SCML2: variants seen among roughly 807,000 people sequenced by gnomAD.
SCML2 encodes Scm polycomb group protein like 2, also known as sex comb on midleg-like protein 2.
SCML2 carries 6 observed loss-of-function variants against 48.4 expected under a neutral mutation model. The ratio of observed to expected loss-of-function variants is 0.12; its 90% confidence interval spans 0.07 to 0.24. The LOEUF (loss-of-function observed/expected upper bound fraction) is 0.24. SCML2 is among the 10% of genes least tolerant of loss of function. The probability of loss-of-function intolerance (pLI) is 1.00; values close to 1 mark genes in which losing one functional copy is unlikely to be tolerated. For synonymous variants in SCML2, 181 were observed against 189.5 expected, an observed-to-expected ratio of 0.95 and a Z score of 0.37; for missense variants, 377 against 528.2, an observed-to-expected ratio of 0.71 and a Z score of 2.81.
At chrX:18,289,886 G>C (rs1222363742) in intron 7 of SCML2, among the ~76,000 whole-genome samples, 2 of 111,162 alleles carry the variant, frequency 1.8e-5, no homozygotes, top group African/African-American at 6.5e-5. Flanking sequence ...TGGGAGTGTG[G>C]AAAGTAGACC....
intron 7 of SCML2, among the ~76,000 whole-genome samples, chrX:18,303,912 A>G (rs964358787): frequency 1.8e-5 from 2 of 112,507 alleles, no homozygotes; most frequent in Admixed American, 9.4e-5. Flanking sequence ...TTACCTAGAC[A>G]TTATACTCCT....
At chrX:18,323,748 CATCT>C in intron 5 of SCML2, 107 bp downstream of exon 5, 1 of 540,585 alleles carries the variant, frequency 1.8e-6, no homozygotes, top group South Asian at 3.0e-5. Context: ...ACCACCTGAC[CATCT>C]ATTTGCAAGA....
chrX:18,265,338 C>T (rs1927218598), intron 8 of SCML2, among the ~76,000 whole-genome samples: 1 of 112,189 alleles, frequency 8.9e-6, no homozygotes, highest in African/African-American at 3.2e-5. Context: ...AACATAAATA[C>T]ACCCATGTAT....
chrX:18,319,495 G>A (rs1441181262), intron 6 of SCML2, among the ~76,000 whole-genome samples: 1 of 107,950 alleles, frequency 9.3e-6, no homozygotes, highest in African/African-American at 3.4e-5. Context: ...AGCTACTTGG[G>A]AGGCTAAGGC....
intron 1 of SCML2, among the ~76,000 whole-genome samples, chrX:18,343,923 TAAA>T (rs1203495780): frequency 1.9e-5 from 1 of 53,351 alleles, no homozygotes; most frequent in Non-Finnish European, 3.4e-5. Context: ...TGCCTCTATT[TAAA>T]AAAAAAAAAA....
chrX:18,275,741 A>G (rs1927608233), intron 7 of SCML2, among the ~76,000 whole-genome samples: 1 of 112,559 alleles, frequency 8.9e-6, no homozygotes, highest in Non-Finnish European at 1.9e-5. Context: ...CAGGGTGTTT[A>G]TGCATTAAAT....
intron 12 of SCML2, among the ~76,000 whole-genome samples, chrX:18,247,382 A>G (rs754522420): frequency 8.9e-6 from 1 of 111,758 alleles, no homozygotes; most frequent in Non-Finnish European, 1.9e-5. Flanking sequence ...TCACTGAAGC[A>G]TTTGTTTTTA....
In SCML2 at chrX:18,345,411, G is replaced by A. The variant is rs749202915; in HGVS notation, c.-25+9181C>T. Among the ~76,000 whole-genome samples, 22 of 109,128 alleles carry A rather than the reference G, an allele frequency of 2.0e-4. No individual in the cohort carries two copies. In the East Asian group the frequency reaches 6.4e-3, roughly 32 times the overall value. The allele number at this position is 109,128 out of a possible 115,157, so 94.8% of individuals were successfully genotyped here. A position where few individuals can be genotyped will look rare whatever the true frequency, so the allele number is the denominator to read the frequency against. On this transcript the variant is annotated intron_variant, in intron 1 of 14. Transcript: ENST00000251900. ...GGTTTTTAAAAACAATTTTTTTTTT[G>A]AAACAGGGTCTCTCTGTCACCCAGG...
At chrX:18,273,788 T>G (rs1335532273) in intron 7 of SCML2, among the ~76,000 whole-genome samples, 1 of 109,355 alleles carries the variant, frequency 9.1e-6, no homozygotes, top group African/African-American at 3.3e-5. Context: ...TTACCCCCCA[T>G]CCTGTGCCCA....
rs770134595 is a variant in SCML2, at chrX:18,247,776, C to T, written c.1563G>A (p.Ala521=). The T allele has an allele frequency of 1.0e-5, 12 of 1,187,262 alleles. No homozygotes were observed. In the East Asian group the frequency reaches 1.2e-4, roughly 12 times the overall value. ...SPKLPKTKEY[A]SEGEPLFAGG... ...GGTGTAAATGCTATTTACCTTCAGACGCATACTCCTTTGTTTTGGGGAGCT... is the reference window on the plus strand; with the variant it reads ...GGTGTAAATGCTATTTACCTTCAGATGCATACTCCTTTGTTTTGGGGAGCT... Residue 521 remains alanine, a synonymous_variant, in exon 12 of 15, where the codon GCG becomes GCA. Coordinates refer to ENST00000251900, the MANE Select transcript of SCML2 (RefSeq NM_006089.3).
rs191341387 is a variant in SCML2, at chrX:18,341,463, G to A, written c.-24-7368C>T. The A allele has an allele frequency of 6.0e-5, 9 of 149,484 alleles. No homozygotes were observed. In the East Asian group the frequency reaches 1.7e-3, roughly 28 times the overall value. 12.3% of individuals were successfully genotyped at this position (149,484 alleles called of 1,213,427 possible). Reference sequence around the variant, plus strand: ...TGTGACGTGAACCTGGGCACTCCGTGCTGATGCCACCAGCCTGAGGGTCCC... The same window carrying A: ...TGTGACGTGAACCTGGGCACTCCGTACTGATGCCACCAGCCTGAGGGTCCC... On this transcript the variant is annotated intron_variant, in intron 1 of 14. Transcript: ENST00000251900.
chrX:18,272,053 C>T (rs1412963247), intron 7 of SCML2, among the ~76,000 whole-genome samples: 2 of 110,968 alleles, frequency 1.8e-5, no homozygotes, highest in African/African-American at 6.6e-5. Context: ...ACACTGGCTT[C>T]CTTGACTGGT....
chrX:18,341,366 C>T (rs1335341732), intron 1 of SCML2: 17 of 301,547 alleles, frequency 5.6e-5, no homozygotes, highest in Non-Finnish European at 1.0e-4. Flanking sequence ...GGATTCCCTA[C>T]CCCTGTCATC....
intron 11 of SCML2, among the ~76,000 whole-genome samples, chrX:18,255,809 G>A (rs1300912308): frequency 8.9e-6 from 1 of 112,582 alleles, no homozygotes; most frequent in East Asian, 2.8e-4. Context: ...GACTTAAAAA[G>A]ATAGTCTGTG....
intron 5 of SCML2, 80 bp downstream of exon 5, chrX:18,323,779 A>G: frequency 1.3e-6 from 1 of 754,851 alleles, no homozygotes; most frequent in Admixed American, 2.5e-5. Flanking sequence ...AAGAAAATAA[A>G]TTTTAAAAGG....
Position 18,320,448 on chromosome X carries a change from T to G in SCML2, c.398-28A>C, listed in dbSNP as rs1024808416. Reference sequence around the variant, plus strand: ...GTTTTATAAAATAAATTAGGTATCATGAAAAAGCCTCCTTGTGATACTATT... The same window carrying G: ...GTTTTATAAAATAAATTAGGTATCAGGAAAAAGCCTCCTTGTGATACTATT... On this transcript the variant is annotated intron_variant, in intron 5 of 14. Transcript: ENST00000251900. 4.3e-6 allele frequency: 4 copies of G among 923,225 alleles called. No homozygotes were observed. The African/African-American group carries it at 7.8e-5, about 18-fold the overall frequency. The allele number at this position is 923,225 out of a possible 1,213,427, so 76.1% of individuals were successfully genotyped here.
chrX:18,304,720 T>C (rs1033557677), intron 7 of SCML2, among the ~76,000 whole-genome samples: 3 of 111,827 alleles, frequency 2.7e-5, no homozygotes, highest in African/African-American at 9.8e-5. Flanking sequence ...ATGGTCCAAA[T>C]ATGACTTTTA....
chrX:18,312,515 A>AT (rs1345307323), intron 6 of SCML2, among the ~76,000 whole-genome samples: 62 of 110,572 alleles, frequency 5.6e-4, no homozygotes, highest in African/African-American at 1.9e-3. Context: ...CACTTGTACT[A>AT]TTTTTTACTG....
At chrX:18,354,512 G>C in intron 1 of SCML2, 80 bp downstream of exon 1, 2 of 226,449 alleles carry the variant, frequency 8.8e-6, no homozygotes, top group Non-Finnish European at 1.6e-5. Context: ...GCTTCTACCC[G>C]CCCGCCCACG....
Sources: gnomAD v4.1 joint callset for allele counts (sites outside exome capture counted in the v4.1 genomes callset) on GRCh38, gnomAD v4.1.1 for gene constraint, MANE v1.5 for transcripts, NCBI Gene and HGNC (gene_info 2026-07-23, HGNC 2026-07-21) for gene names.